The following AK9 variants were observed in gnomAD, a reference collection of about 807,000 sequenced individuals.
AK9 encodes the protein adenylate kinase 9, also known as adenylate kinase domain containing 1.
In AK9, 191 loss-of-function variants were observed where a neutral mutation model predicts 239.6. That is an observed-to-expected ratio of 0.80 (90% CI 0.71 to 0.90). The LOEUF (loss-of-function observed/expected upper bound fraction) is 0.90, where lower values mean the gene tolerates loss of function less well. Ranked by LOEUF, AK9 falls within the 40% of genes least tolerant of loss-of-function variation. The pLI, the probability that AK9 is intolerant of heterozygous loss-of-function variation, is 0.00. For synonymous variants in AK9, 689 were observed against 721.0 expected, an observed-to-expected ratio of 0.96 and a Z score of 0.71; for missense variants, 1,995 against 2,214.7, an observed-to-expected ratio of 0.90 and a Z score of 1.99.
rs368866789 is a variant in AK9 at position 109,514,283 on chromosome 6, T to A, written c.4220A>T (p.Lys1407Met). The A allele has an allele frequency of 2.1e-5, 32 of 1,551,790 alleles. No homozygotes were observed. Among genetic ancestry groups the A allele is most frequent in the Non-Finnish European group, 2.5e-5 (29 of 1,147,000 alleles). ...PIKYIRQPKP[K>M]PTVPIRIIIV... ...TATAATCCTAATGGGCACAGTAGGC[T>A]TAGGTTTGGGTTGGCGGATATATTT... The change falls in exon 32 of 41, where the codon AAG becomes ATG. Residue 1407 changes from lysine (K) to methionine (M), a missense_variant. By Grantham distance (95) the Lys-to-Met change is moderately conservative (BLOSUM62 -1). Around this residue, in one of 5 missense-constraint regions of AK9, gnomAD observed 1,290 missense variants for 1,392.7 expected, o/e 0.93. Transcript: ENST00000424296.
intron 5 of AK9, among the ~76,000 whole-genome samples, chr6:109,665,750 C>T (rs1438856627): frequency 6.6e-6 from 1 of 152,190 alleles, no homozygotes; most frequent in Non-Finnish European, 1.5e-5. Flanking sequence ...GACCATCTAT[C>T]TCCAGAGTCC....
chr6:109,516,114 GA>G, intron 30 of AK9, 39 bp from the exon 31 acceptor site: 1 of 1,477,466 alleles, frequency 6.8e-7, no homozygotes, highest in South Asian at 1.2e-5. Context: ...TATTTAGTGA[GA>G]AAAAGGCTGG....
Position 109,662,603 on chromosome 6 carries a change from A to G in AK9, c.392T>C (p.Ile131Thr). ...CAGGTTTAAGTTTTTAATTAATTCT[A>G]TTTGCTGTAAGGTAGTCATGGCATC... is the stretch of plus-strand genomic sequence containing the variant. ...SQDAMTTLQQ[I>T]ELIKNLNLKP... Residue 131 changes from isoleucine (I) to threonine (T), a missense_variant, in exon 6 of 41, where the codon ATA (isoleucine) becomes ACA (threonine). Transcript: ENST00000424296. 6.3e-7 allele frequency: 1 copy of G among 1,590,126 alleles called. No individual in the cohort carries two copies. Among genetic ancestry groups the G allele is most frequent in the Non-Finnish European group, 8.6e-7 (1 of 1,167,558 alleles).
In AK9 at chr6:109,600,268, T is replaced by C. The variant is rs9487167; in HGVS notation, c.1842+10097A>G. Among the ~76,000 whole-genome samples the C allele has an allele frequency of 2.5e-3, 388 of 152,314 alleles. 2 individuals carry two copies. The highest frequency in any genetic ancestry group is 9.0e-3 in the African/African-American group (374 of 41,568). On this transcript the variant is annotated intron_variant, in intron 17 of 40. Coordinates refer to ENST00000424296, the MANE Select transcript of AK9 (RefSeq NM_001145128.3). ...ATACGTCCCATCAATACCTAATTTA[T>C]TGAGAGTTTTTAGCATGAAGGGCTG... is the stretch of plus-strand genomic sequence containing the variant.
intron 13 of AK9, among the ~76,000 whole-genome samples, chr6:109,617,055 A>C (rs529598781): frequency 6.6e-6 from 1 of 152,258 alleles, no homozygotes; most frequent in East Asian, 1.9e-4. Context: ...TTCACTAGTA[A>C]TAAAATGACA....
At chr6:109,600,038 T>C (rs1162309536) in intron 17 of AK9, among the ~76,000 whole-genome samples, 1 of 152,006 alleles carries the variant, frequency 6.6e-6, no homozygotes, top group Admixed American at 6.6e-5. Context: ...GACAATTTGA[T>C]TTCCTCTTTT....
At chr6:109,650,726 A>C (rs1416039669) in intron 8 of AK9, among the ~76,000 whole-genome samples, 2 of 152,238 alleles carry the variant, frequency 1.3e-5, no homozygotes, top group African/African-American at 4.8e-5. Flanking sequence ...CCATCCCATT[A>C]CTGGGTATAT....
chr6:109,592,477 C>A lies in AK9; in HGVS notation c.1843-6405G>T, dbSNP rs1277121225. Among the ~76,000 whole-genome samples, 6 of 130,452 alleles carry A rather than the reference C, an allele frequency of 4.6e-5. No homozygotes were observed. In the South Asian group the frequency reaches 1.5e-3, roughly 33 times the overall value. 85.6% of individuals were successfully genotyped at this position (130,452 alleles called of 152,430 possible). The stretch of plus-strand genomic sequence containing the variant: ...TTTTTTTTTTTTTGAGACGGAGTCT[C>A]GCTCTTTCACCCAGGCTGGACTGCA... On this transcript the variant is annotated intron_variant, in intron 17 of 40. Transcript: ENST00000424296.
chr6:109,620,830 C>T (rs1377098355), intron 12 of AK9, among the ~76,000 whole-genome samples: 1 of 150,766 alleles, frequency 6.6e-6, no homozygotes, highest in Admixed American at 6.7e-5. Context: ...ACATATACAC[C>T]ATATACTATA....
chr6:109,638,026 G>A (rs757408311), intron 10 of AK9, among the ~76,000 whole-genome samples: 1 of 152,176 alleles, frequency 6.6e-6, no homozygotes, highest in Non-Finnish European at 1.5e-5. Flanking sequence ...GGACTGCCAG[G>A]TAGAAATGCT....
chr6:109,507,573 A>T (rs1427200668), intron 33 of AK9, among the ~76,000 whole-genome samples: 2 of 152,118 alleles, frequency 1.3e-5, no homozygotes. Flanking sequence ...GAGGAGGAAA[A>T]AAAAAGGCTG....
intron 10 of AK9, among the ~76,000 whole-genome samples, chr6:109,639,537 T>G (rs778594192): frequency 1.8e-4 from 27 of 152,268 alleles, no homozygotes; most frequent in Non-Finnish European, 4.0e-4. Flanking sequence ...CTTTGTAGAT[T>G]CTGGATATTA....
intron 20 of AK9, among the ~76,000 whole-genome samples, chr6:109,576,420 C>CTTTTTTTTTTTTTTTTTTTT (rs3060763): frequency 1.9e-5 from 2 of 103,510 alleles, no homozygotes; most frequent in African/African-American, 3.3e-5. Flanking sequence ...CATATATATA[C>CTTTTTTTTTTTTTTTTTTTT]TTTTTTTTTT....
intron 17 of AK9, among the ~76,000 whole-genome samples, chr6:109,598,213 TCCCTCCC>T (rs1029040747): frequency 6.9e-6 from 1 of 145,732 alleles, no homozygotes; most frequent in Non-Finnish European, 1.5e-5. Context: ...CCTAATGCTA[TCCCTCCC>T]CCCTCCCCCC....
intron 1 of AK9, among the ~76,000 whole-genome samples, chr6:109,682,376 G>A (rs1178399059): frequency 1.4e-5 from 2 of 141,066 alleles, no homozygotes; most frequent in African/African-American, 5.5e-5. Context: ...GCAGTGAGCC[G>A]AGATCGGGCC....
rs1458816389 is a variant in AK9 at position 109,614,212 on chromosome 6, T to G, written c.1580A>C (p.His527Pro). ...EAKTKSENVL[H>P]DQAAKVDKDD... ...TTTATCAACTTTAGCAGCTTGATCA[T>G]GGAGGACATTTTCTGACTTTGTTTT... The change falls in exon 15 of 41, where the codon CAT becomes CCT. Residue 527 changes from histidine (H) to proline (P), a missense_variant. Transcript: ENST00000424296. The G allele has an allele frequency of 6.4e-7, 1 of 1,551,384 alleles. No individual in the cohort carries two copies. Among genetic ancestry groups the G allele is most frequent in the South Asian group, 1.2e-5 (1 of 84,056 alleles).
chr6:109,652,525 C>G (rs1055778193), intron 8 of AK9, among the ~76,000 whole-genome samples: 1 of 152,092 alleles, frequency 6.6e-6, no homozygotes, highest in African/African-American at 2.4e-5. Context: ...AGATCACTGT[C>G]AATGTAACAT....
At chr6:109,514,560 C>T (rs1163188308) in intron 31 of AK9, 123 bp from the exon 32 acceptor site, 3 of 818,612 alleles carry the variant, frequency 3.7e-6, no homozygotes, top group African/African-American at 3.5e-5. Context: ...AATAAGAAAA[C>T]TAATTATAAT....
At chr6:109,509,528 T>C in intron 32 of AK9, 148 bp from the exon 33 acceptor site, 9 of 727,634 alleles carry the variant, frequency 1.2e-5, no homozygotes, top group Non-Finnish European at 2.0e-5. Flanking sequence ...GTGATGGCAG[T>C]GGCTGCTGCC....
Sources: gnomAD v4.1 joint callset for allele counts (sites outside exome capture counted in the v4.1 genomes callset) on GRCh38, gnomAD v4.1.1 for gene constraint, gnomAD v4.1.1 regional missense constraint, MANE v1.5 for transcripts, NCBI Gene and HGNC (gene_info 2026-07-23, HGNC 2026-07-21) for gene names.